APCDD1L: variants seen among roughly 807,000 people sequenced by gnomAD.
APCDD1L encodes APC down-regulated 1 like.
APCDD1L carries 21 observed loss-of-function variants against 24.2 expected under a neutral mutation model. The observed-to-expected ratio is 0.87, with a 90% CI of 0.61 to 1.25. The LOEUF is 1.25. Among genes scored for constraint, APCDD1L ranks in the 50% most tolerant of loss-of-function variants. APCDD1L has a pLI of 0.00. For missense variants in APCDD1L, 704 were observed against 711.7 expected, an observed-to-expected ratio of 0.99 and a Z score of 0.12; for synonymous variants, 321 against 323.6, an observed-to-expected ratio of 0.99 and a Z score of 0.09.
chr20:58,462,370 GCCTGGCTTACA>G (rs761067689), intron 3 of APCDD1L, among the ~76,000 whole-genome samples: 45 of 152,162 alleles, frequency 3.0e-4, no homozygotes, highest in South Asian at 4.1e-4. Flanking sequence ...CTGAAATGCA[GCCTGGCTTACA>G]CCCGGCTGTC....
intron 1 of APCDD1L, among the ~76,000 whole-genome samples, chr20:58,506,650 A>C (rs192449357): frequency 7.9e-5 from 12 of 152,368 alleles, no homozygotes; most frequent in Admixed American, 2.6e-4. Context: ...CAGTCTTTGC[A>C]GATGAACAAT....
At chr20:58,507,069 G>A (rs1007779240) in intron 1 of APCDD1L, among the ~76,000 whole-genome samples, 3 of 152,186 alleles carry the variant, frequency 2.0e-5, no homozygotes, top group Admixed American at 6.5e-5. Context: ...AGGTGTCATG[G>A]GAAGAGCCTG....
Position 58,460,987 on chromosome 20 carries a change from T to C in APCDD1L, c.1309A>G (p.Ser437Gly), listed in dbSNP as rs746069578. 1.4e-5 allele frequency: 23 copies of C among 1,614,030 alleles called. No homozygotes were observed. The East Asian group carries it at 5.1e-4, about 36-fold the overall frequency. Residue 437 changes from serine (S) to glycine (G), a missense_variant, in exon 4 of 4, where the codon AGT (serine) becomes GGT (glycine). Transcript: ENST00000371149. This position sits in a 1 kb window ranked among gnomAD's most constrained non-coding sequence, Gnocchi z 4.2. Reference sequence around the variant, plus strand: ...GGACGTTTCTCTGGGGTATCGGGACTTGAGCCATCGGTGGGCCTTTGTCCG... The same window carrying C: ...GGACGTTTCTCTGGGGTATCGGGACCTGAGCCATCGGTGGGCCTTTGTCCG... ...FIGQRPTDGSSPDTPEKRPTS... is the reference protein window; with the variant it reads ...FIGQRPTDGSGPDTPEKRPTS...
intron 3 of APCDD1L, among the ~76,000 whole-genome samples, chr20:58,465,213 C>T (rs1989684693): frequency 6.6e-6 from 1 of 152,178 alleles, no homozygotes; most frequent in Admixed American, 6.5e-5. Flanking sequence ...CAGCCTAGAA[C>T]ACTGGTTGCC....
intron 1 of APCDD1L, 96 bp from the exon 2 acceptor site, chr20:58,470,843 G>A: frequency 6.9e-7 from 1 of 1,450,366 alleles, no homozygotes; most frequent in East Asian, 2.5e-5. Flanking sequence ...AGAGAGCCAG[G>A]CAGGGCTGTC....
chr20:58,479,351 A>C (rs1377563921), intron 1 of APCDD1L, among the ~76,000 whole-genome samples: 12 of 152,312 alleles, frequency 7.9e-5, no homozygotes, highest in Non-Finnish European at 5.9e-5. Flanking sequence ...GACAGGTCAC[A>C]TTTCAGGTGC....
At chr20:58,470,133 C>T (rs1219866590) in intron 2 of APCDD1L, among the ~76,000 whole-genome samples, 1 of 152,216 alleles carries the variant, frequency 6.6e-6, no homozygotes, top group African/African-American at 2.4e-5. Context: ...TGGCTCTTCC[C>T]TGGCTCTCTA....
intron 1 of APCDD1L, among the ~76,000 whole-genome samples, chr20:58,493,895 T>C (rs77905448): frequency 0.068 from 10,310 of 152,216 alleles, 544 homozygotes; most frequent in Non-Finnish European, 0.098. Flanking sequence ...CCGGTAACTT[T>C]CAACTCCCCC....
At chr20:58,483,339 G>A (rs1990061029) in intron 1 of APCDD1L, among the ~76,000 whole-genome samples, 1 of 152,086 alleles carries the variant, frequency 6.6e-6, no homozygotes, top group African/African-American at 2.4e-5. Flanking sequence ...TGGGCAGGGA[G>A]CTTGCAGGGG....
In APCDD1L at chr20:58,489,240, A is replaced by C. The variant is rs138817958; in HGVS notation, c.50-18493T>G. ...AACAAACCAACCAAAACAAACAAAC[A>C]AACAAAACCAGGCAGACCAGGTGCA... On this transcript the variant is annotated intron_variant, in intron 1 of 3. Transcript: ENST00000371149. Among the ~76,000 whole-genome samples the C allele has an allele frequency of 3.1e-3, 468 of 152,266 alleles. 4 individuals carry two copies. The highest frequency in any genetic ancestry group is 0.011 in the African/African-American group (442 of 41,546).
chr20:58,471,635 C>T (rs560502522), intron 1 of APCDD1L, among the ~76,000 whole-genome samples: 2 of 152,340 alleles, frequency 1.3e-5, no homozygotes, highest in Non-Finnish European at 2.9e-5. Flanking sequence ...TGCTGAGAGG[C>T]GAGAGTGCCA....
rs1006862821 is a variant in APCDD1L at position 58,497,009 on chromosome 20, A to G, written c.49+17650T>C. 6.6e-6 allele frequency among the ~76,000 whole-genome samples: 1 copy of G among 152,240 alleles called. No individual in the cohort carries two copies. The highest frequency in any genetic ancestry group is 2.4e-5 in the African/African-American group (1 of 41,460). On this transcript the variant is annotated intron_variant, in intron 1 of 3. Transcript: ENST00000371149. This position sits in a 1 kb window ranked among gnomAD's most constrained non-coding sequence, Gnocchi z 4.3. ...GAAAAGTCGCGATGCAAATTTGCATATGTATACTAGAAGGTCTGAACTTGC... is the reference window on the plus strand; with the variant it reads ...GAAAAGTCGCGATGCAAATTTGCATGTGTATACTAGAAGGTCTGAACTTGC...
chr20:58,511,542 C>A (rs1196075421), intron 1 of APCDD1L, among the ~76,000 whole-genome samples: 1 of 152,200 alleles, frequency 6.6e-6, no homozygotes, highest in African/African-American at 2.4e-5. Flanking sequence ...TTGCCTGGAG[C>A]TGGTTGTTTT....
intron 1 of APCDD1L, among the ~76,000 whole-genome samples, chr20:58,488,181 A>G (rs999870071): frequency 2.0e-5 from 3 of 152,194 alleles, no homozygotes; most frequent in Non-Finnish European, 4.4e-5. Flanking sequence ...ATTCTGCTGC[A>G]TCCCACCCTG....
At chr20:58,466,190 G>A (rs990145380) in intron 3 of APCDD1L, among the ~76,000 whole-genome samples, 1 of 151,332 alleles carries the variant, frequency 6.6e-6, no homozygotes, top group Non-Finnish European at 1.5e-5. Context: ...GACGGTATGC[G>A]TGCAATGGCT....
At chr20:58,475,789 C>G (rs1004670328) in intron 1 of APCDD1L, among the ~76,000 whole-genome samples, 11 of 152,136 alleles carry the variant, frequency 7.2e-5, no homozygotes, top group Non-Finnish European at 1.3e-4. Context: ...CCTCTCCCAG[C>G]ACCTGGTGGC....
In APCDD1L at chr20:58,460,765, C is replaced by T. The variant is rs1435869187; in HGVS notation, c.*25G>A. 2.4e-5 allele frequency: 36 copies of T among 1,510,848 alleles called. No homozygotes were observed. Among genetic ancestry groups the T allele is most frequent in the African/African-American group, 7.0e-5 (5 of 71,662 alleles). The allele number at this position is 1,510,848 out of a possible 1,614,324, so 93.6% of individuals were successfully genotyped here. The stretch of plus-strand genomic sequence containing the variant: ...GAAGGGTTGAATGGGTGTCCAGAGC[C>T]GCCATCCTGATGTCAAGTCCAATGT... On this transcript the variant is annotated 3_prime_UTR_variant, in exon 4 of 4. Coordinates refer to ENST00000371149, the MANE Select transcript of APCDD1L (RefSeq NM_153360.3). The surrounding 1 kb of genome is among the most constrained non-coding windows in gnomAD (Gnocchi z 4.2).
intron 1 of APCDD1L, 130 bp downstream of exon 1, chr20:58,514,529 G>A: frequency 1.1e-6 from 1 of 949,150 alleles, no homozygotes. Context: ...AGGCGCGCAG[G>A]GCGCAGCATA....
intron 1 of APCDD1L, among the ~76,000 whole-genome samples, chr20:58,511,355 C>T (rs1435855878): frequency 2.0e-5 from 3 of 152,224 alleles, no homozygotes; most frequent in Non-Finnish European, 4.4e-5. Context: ...TCTTCATTTT[C>T]CAGGCTGGTT....
Sources: allele counts gnomAD v4.1 joint callset (sites outside exome capture counted in the v4.1 genomes callset), GRCh38; gene constraint gnomAD v4.1.1; non-coding constraint Gnocchi (gnomAD v3.1); transcripts MANE v1.5; gene names NCBI Gene and HGNC (gene_info 2026-07-23, HGNC 2026-07-21).